The following LNPEP variants were observed in gnomAD, a reference collection of about 807,000 sequenced individuals.
The protein encoded by LNPEP is leucyl-cystinyl aminopeptidase.
A neutral mutation model predicts 120.6 loss-of-function variants in LNPEP; 64 were observed. The observed-to-expected ratio is 0.53, with a 90% CI of 0.43 to 0.65. The LOEUF (loss-of-function observed/expected upper bound fraction) is 0.65, where lower values mean the gene tolerates loss of function less well. Ranked by LOEUF, LNPEP falls within the 30% of genes least tolerant of loss-of-function variation. LNPEP has a pLI of 0.00. For missense variants in LNPEP, 1,057 were observed against 1,200.0 expected, an observed-to-expected ratio of 0.88 and a Z score of 1.76; for synonymous variants, 435 against 425.4, an observed-to-expected ratio of 1.02 and a Z score of -0.28.
intron 1 of LNPEP, among the ~76,000 whole-genome samples, chr5:96,964,903 A>T (rs1789690998): frequency 6.6e-6 from 1 of 152,146 alleles, no homozygotes; most frequent in Non-Finnish European, 1.5e-5. Context: ...AAATGTATAA[A>T]CTTAGTTGCT....
At position 97,028,502 on chromosome 5, in the gene LNPEP, A is replaced by G. The variant is rs769532716; in HGVS notation, c.3047A>G (p.Lys1016Arg). The change falls in exon 18 of 18, where the codon AAG becomes AGG. Residue 1016 changes from lysine to arginine, a missense_variant. Coordinates refer to ENST00000231368, the MANE Select transcript of LNPEP (RefSeq NM_005575.3). Reference protein sequence around the residue: ...VIQLNIQWMEKNLKSLTWWL With the variant: ...VIQLNIQWMERNLKSLTWWL ...CAGTTGAATATCCAGTGGATGGAGA[A>G]GAACCTCAAAAGTCTCACATGGTGG... 71 of 1,613,874 alleles carry G rather than the reference A, an allele frequency of 4.4e-5. No homozygotes were observed. The highest frequency in any genetic ancestry group is 5.8e-5 in the Non-Finnish European group (69 of 1,179,862).
chr5:96,967,225 G>A (rs1335457444), intron 1 of LNPEP, among the ~76,000 whole-genome samples: 3 of 151,992 alleles, frequency 2.0e-5, no homozygotes, highest in African/African-American at 7.2e-5. Flanking sequence ...GTCTCTAAAG[G>A]CCATGTTCAT....
intron 1 of LNPEP, among the ~76,000 whole-genome samples, chr5:96,973,251 T>C (rs1292311920): frequency 6.6e-6 from 1 of 152,232 alleles, no homozygotes; most frequent in East Asian, 1.9e-4. Context: ...TTGGGTAGTG[T>C]TTTGTCCATT....
At chr5:96,936,359 C>T in intron 1 of LNPEP, 185 bp downstream of exon 1, 1 of 431,708 alleles carries the variant, frequency 2.3e-6, no homozygotes, top group Non-Finnish European at 4.0e-6. Flanking sequence ...GGGCGGCGGC[C>T]AGTGCGGGAC....
chr5:96,987,820 AT>A (rs1289759454), intron 4 of LNPEP, among the ~76,000 whole-genome samples: 4 of 152,230 alleles, frequency 2.6e-5, no homozygotes, highest in African/African-American at 7.2e-5. Context: ...ATCTGAAATA[AT>A]TCAATTAATT....
Position 97,029,131 on chromosome 5 carries a change from T to C in LNPEP, c.*598T>C, listed in dbSNP as rs1269490465. The C allele has an allele frequency of 6.6e-6, 1 of 152,376 alleles. No individual in the cohort carries two copies. The allele number at this position is 152,376 out of a possible 1,614,324, so 9.4% of individuals were successfully genotyped here. A position where few individuals can be genotyped will look rare whatever the true frequency, so the allele number is the denominator to read the frequency against. ...AATAATGTCTGTAACTATTGTGTTT[T>C]TTTCCTGCCGAATAGCCAGGTGCTA... On this transcript the variant is annotated 3_prime_UTR_variant, in exon 18 of 18. Transcript: ENST00000231368.
At chr5:97,021,796 G>A (rs1425957743) in intron 13 of LNPEP, among the ~76,000 whole-genome samples, 1 of 150,116 alleles carries the variant, frequency 6.7e-6, no homozygotes. Context: ...CATCCCAGCC[G>A]TATGTGGGTT....
Position 96,985,004 on chromosome 5 carries a change from A to G in LNPEP, c.861-76A>G, listed in dbSNP as rs997516215. On this transcript the variant is annotated intron_variant, in intron 2 of 17. Coordinates refer to ENST00000231368, the MANE Select transcript of LNPEP (RefSeq NM_005575.3). Reference sequence around the variant, plus strand: ...TAGTAACTAGGATTGTAACATATTTATCTTAGTATACTTGGCAGGGTGCCT... The same window carrying G: ...TAGTAACTAGGATTGTAACATATTTGTCTTAGTATACTTGGCAGGGTGCCT... The G allele has an allele frequency of 1.1e-5, 16 of 1,470,688 alleles. No homozygotes were observed. The African/African-American group carries it at 2.1e-4, about 19-fold the overall frequency. 91.1% of individuals were successfully genotyped at this position (1,470,688 alleles called of 1,614,324 possible).
In LNPEP at chr5:96,979,900, T is replaced by A; in HGVS notation, c.782T>A (p.Ile261Lys). 1 of 1,613,876 alleles carries A rather than the reference T, an allele frequency of 6.2e-7. No individual in the cohort carries two copies. Among genetic ancestry groups the A allele is most frequent in the Non-Finnish European group, 8.5e-7 (1 of 1,179,816 alleles). ...LLAGHNYTLK[I>K]EYSANISSSY... ...GCAGGGCACAATTATACGTTGAAGA[T>A]AGAGTACTCGGCAAATATATCTAGT... Residue 261 changes from isoleucine (I) to lysine (K), a missense_variant, in exon 2 of 18, where the codon ATA becomes AAA. Physicochemically the swap from Ile to Lys is moderately radical, Grantham distance 102. Transcript: ENST00000231368.
At chr5:96,997,646 T>G (rs1790548797) in intron 7 of LNPEP, among the ~76,000 whole-genome samples, 1 of 152,126 alleles carries the variant, frequency 6.6e-6, no homozygotes, top group Non-Finnish European at 1.5e-5. Context: ...TTTTTGTTCT[T>G]TCTCTTTTTA....
At chr5:97,001,319 G>A (rs536735682) in intron 8 of LNPEP, among the ~76,000 whole-genome samples, 11 of 152,290 alleles carry the variant, frequency 7.2e-5, no homozygotes, top group Non-Finnish European at 1.0e-4. Flanking sequence ...CGAGAGAGGG[G>A]TCAGGGTAAC....
At chr5:97,025,295 G>C (rs963195010) in intron 15 of LNPEP, among the ~76,000 whole-genome samples, 1 of 152,196 alleles carries the variant, frequency 6.6e-6, no homozygotes, top group African/African-American at 2.4e-5. Flanking sequence ...ACTGAGGATA[G>C]AAGGAGGCTT....
chr5:96,980,011 C>T lies in LNPEP; in HGVS notation c.860+33C>T, dbSNP rs373125702. On this transcript the variant is annotated intron_variant, in intron 2 of 17. Coordinates refer to ENST00000231368, the MANE Select transcript of LNPEP (RefSeq NM_005575.3). Reference sequence around the variant, plus strand: ...GCCCTCTTAAATGATTCTGGTTTTACGCTCTGATAACTTCTGCAATATAGA... The same window carrying T: ...GCCCTCTTAAATGATTCTGGTTTTATGCTCTGATAACTTCTGCAATATAGA... 348 of 1,540,326 alleles carry T rather than the reference C, an allele frequency of 2.3e-4. 2 individuals carry two copies. The highest frequency in any genetic ancestry group is 1.1e-3 in the Middle Eastern group (6 of 5,682).
chr5:96,978,342 G>A (rs1790049080), intron 1 of LNPEP, among the ~76,000 whole-genome samples: 1 of 152,002 alleles, frequency 6.6e-6, no homozygotes, highest in Non-Finnish European at 1.5e-5. Flanking sequence ...GTGCAGTATG[G>A]TTGTTTCCCA....
intron 1 of LNPEP, among the ~76,000 whole-genome samples, chr5:96,944,077 T>A (rs1442378671): frequency 1.3e-5 from 2 of 152,204 alleles, no homozygotes; most frequent in African/African-American, 4.8e-5. Context: ...TGAACAGTGC[T>A]ATGTGGGAGC....
intron 1 of LNPEP, among the ~76,000 whole-genome samples, chr5:96,975,429 G>A (rs568345699): frequency 3.3e-5 from 5 of 152,248 alleles, no homozygotes; most frequent in South Asian, 4.2e-4. Context: ...CATCTAGCCC[G>A]AGGTAGTATC....
chr5:96,985,334 ATTC>A, intron 3 of LNPEP, 116 bp downstream of exon 3: 1 of 816,106 alleles, frequency 1.2e-6, no homozygotes, highest in Non-Finnish European at 1.8e-6. Flanking sequence ...ATACATTAAT[ATTC>A]TTCCTTAAAA....
At chr5:96,989,136 T>A (rs1014533291) in intron 4 of LNPEP, among the ~76,000 whole-genome samples, 1 of 151,114 alleles carries the variant, frequency 6.6e-6, no homozygotes, top group South Asian at 2.1e-4. Flanking sequence ...ACATAGACTC[T>A]GGAGTCTAAT....
At chr5:96,958,284 C>G (rs1789517276) in intron 1 of LNPEP, among the ~76,000 whole-genome samples, 1 of 152,186 alleles carries the variant, frequency 6.6e-6, no homozygotes, top group Non-Finnish European at 1.5e-5. Context: ...TTAGAGTTGT[C>G]TCCTACCTAA....
Sources: gnomAD v4.1 joint callset for allele counts (sites outside exome capture counted in the v4.1 genomes callset) on GRCh38, gnomAD v4.1.1 for gene constraint, MANE v1.5 for transcripts, NCBI Gene and HGNC (gene_info 2026-07-23, HGNC 2026-07-21) for gene names.